PCF11: variants seen among roughly 807,000 people sequenced by gnomAD.
PCF11 encodes PCF11 cleavage and polyadenylation factor subunit, also known as pre-mRNA cleavage complex 2 protein Pcf11.
A neutral mutation model predicts 166.1 loss-of-function variants in PCF11; 19 were observed. The ratio of observed to expected loss-of-function variants is 0.11; its 90% CI spans 0.08 to 0.17. PCF11 has a LOEUF of 0.17. Ranked by LOEUF, PCF11 falls within the 10% of genes least tolerant of loss-of-function variation. PCF11 has a pLI of 1.00. For missense variants in PCF11, 1,565 were observed against 1,855.5 expected (o/e 0.84, Z 2.88); for synonymous variants, 663 against 644.1 (o/e 1.03, Z -0.44).
At chr11:83,178,686 G>T (rs1413116002) in intron 11 of PCF11, among the ~76,000 whole-genome samples, 2 of 151,692 alleles carry the variant, frequency 1.3e-5, no homozygotes, top group African/African-American at 4.8e-5. Context: ...AGTGGCGGGT[G>T]CCTGTAGTCC....
rs544693227 is a variant in PCF11 at position 83,177,232 on chromosome 11, C to T, written c.3877+28C>T. The T allele has an allele frequency of 4.7e-6, 7 of 1,491,676 alleles. No individual in the cohort carries two copies. In the East Asian group the frequency reaches 1.8e-4, roughly 38 times the overall value. 92.4% of individuals were successfully genotyped at this position (1,491,676 alleles called of 1,614,324 possible). On this transcript the variant is annotated intron_variant, in intron 10 of 15. Transcript: ENST00000298281. ...AAGTGTGATTTTATACTTAAATTTA[C>T]ACAAAGCTTCATTAAGTTTTTGAGA...
At chr11:83,185,136 G>C (rs186316304) in exon 16 of PCF11, 1 of 363,264 alleles carries the variant, frequency 2.8e-6, no homozygotes. Flanking sequence ...AAATGAAATT[G>C]TATGTGTAAA....
At chr11:83,185,573 TAAC>T (rs2135453583) in exon 16 of PCF11, 1 of 152,534 alleles carries the variant, frequency 6.6e-6, no homozygotes, top group East Asian at 1.9e-4. Context: ...ATCAAACAAT[TAAC>T]AAATATATTT....
At chr11:83,161,569 A>AT (rs1554984717) in intron 2 of PCF11, 117 bp downstream of exon 2, 2 of 711,792 alleles carry the variant, frequency 2.8e-6, no homozygotes, top group Non-Finnish European at 4.4e-6. Context: ...ACTTTTGGAC[A>AT]TTTATCGTTA....
chr11:83,164,428 A>G (rs1860372895), intron 4 of PCF11, 27 bp downstream of exon 4: 1 of 1,557,818 alleles, frequency 6.4e-7, no homozygotes. Context: ...GTCATTTTAA[A>G]TATTTTAAAC....
intron 10 of PCF11, 119 bp from the exon 11 acceptor site, chr11:83,177,595 C>G: frequency 2.2e-6 from 1 of 458,346 alleles, no homozygotes. Flanking sequence ...AACTTGAGAT[C>G]AGAAGCACTG....
At position 83,173,672 on chromosome 11, in the gene PCF11, G is replaced by GAGAT. The variant is rs908922565; in HGVS notation, c.3757+1759_3757+1762dup. ...TTTGTTATATTGGGGTTAGTGGCATGAGATGCTCTACAGAAACTACAAATT... is the reference window on the plus strand; with the variant it reads ...TTTGTTATATTGGGGTTAGTGGCATGAGATAGATGCTCTACAGAAACTACAAATT... On this transcript the variant is annotated intron_variant, in intron 9 of 15. Transcript: ENST00000298281. Among the ~76,000 whole-genome samples the GAGAT allele has an allele frequency of 5.4e-5, 8 of 147,642 alleles. 1 individual carries two copies. Among genetic ancestry groups the GAGAT allele is most frequent in the Middle Eastern group, 3.5e-3 (1 of 282 alleles).
At chr11:83,170,052 GT>G in intron 8 of PCF11, 57 bp downstream of exon 8, 1 of 1,393,796 alleles carries the variant, frequency 7.2e-7, no homozygotes, top group Non-Finnish European at 9.5e-7. Context: ...ATTTTTTAAT[GT>G]TTCTAGGAGG....
chr11:83,158,586 T>A (rs1404799687), intron 1 of PCF11: 1 of 152,242 alleles, frequency 6.6e-6, no homozygotes, highest in Non-Finnish European at 1.5e-5. Context: ...TAAGTAAAGT[T>A]ACTGTTCAAC....
chr11:83,165,623 G>A (rs1565152615), exon 5 of PCF11: 1 of 1,612,144 alleles, frequency 6.2e-7, no homozygotes. Flanking sequence ...GTGTTCAGCA[G>A]GAAACATCCA....
At chr11:83,184,389 A>G (rs866005078) in intron 15 of PCF11, 21 of 317,962 alleles carry the variant, frequency 6.6e-5, no homozygotes, top group Middle Eastern at 9.3e-4. Flanking sequence ...TTTAACATCT[A>G]TGTAGAGATT....
chr11:83,162,490 A>G (rs1860296336), intron 2 of PCF11, among the ~76,000 whole-genome samples: 1 of 152,244 alleles, frequency 6.6e-6, no homozygotes, highest in Admixed American at 6.5e-5. Context: ...TATTGTAGAC[A>G]TTTGCTGAAT....
In PCF11 at chr11:83,167,076, ATTT is replaced by A. The variant is rs149108488; in HGVS notation, c.1818-45_1818-43del. Reference sequence around the variant, plus strand: ...AGAATCTTTAAATATGGTCCTGAGTATTTTTTAAAAAAACATTTCAATGTAACA... The same window carrying A: ...AGAATCTTTAAATATGGTCCTGAGTATTTAAAAAAACATTTCAATGTAACA... On this transcript the variant is annotated intron_variant, in intron 5 of 15. Coordinates refer to ENST00000298281, the Ensembl canonical transcript of PCF11. This position sits in a 1 kb window ranked among gnomAD's most constrained non-coding sequence, Gnocchi z 4.2. 3,260 of 1,435,522 alleles carry A rather than the reference ATTT, an allele frequency of 2.3e-3. 45 individuals carry two copies. In the African/African-American group the frequency reaches 0.039, roughly 17 times the overall value. The allele number at this position is 1,435,522 out of a possible 1,614,324, so 88.9% of individuals were successfully genotyped here.
chr11:83,162,391 T>C (rs1333668212), intron 2 of PCF11, among the ~76,000 whole-genome samples: 1 of 152,256 alleles, frequency 6.6e-6, no homozygotes, highest in African/African-American at 2.4e-5. Context: ...ATTTGAGAAA[T>C]GTTTTTAAGT....
Position 83,177,066 on chromosome 11 carries a change from T to C in PCF11, c.3758-19T>C. Reference sequence around the variant, plus strand: ...CACTTCAAAAGTGGTTTTTTTTCTTTCTTTCTTTTTTTTGTTAGGAGCCCT... The same window carrying C: ...CACTTCAAAAGTGGTTTTTTTTCTTCCTTTCTTTTTTTTGTTAGGAGCCCT... On this transcript the variant is annotated intron_variant, in intron 9 of 15. Transcript: ENST00000298281. 6.9e-7 allele frequency: 1 copy of C among 1,446,322 alleles called. No individual in the cohort carries two copies. The highest frequency in any genetic ancestry group is 9.1e-7 in the Non-Finnish European group (1 of 1,097,460). The allele number at this position is 1,446,322 out of a possible 1,614,324, so 89.6% of individuals were successfully genotyped here. A position where few individuals can be genotyped will look rare whatever the true frequency, so the allele number is the denominator to read the frequency against.
At position 83,160,321 on chromosome 11, in the gene PCF11, GTTTTTTTTTTTT is replaced by G. The variant is rs35201107; in HGVS notation, c.193-995_193-984del. ...GGGTGGGTAAATGGGGATAACCTAA[GTTTTTTTTTTTT>G]TTTTTTTTTTGTCTTTTTTTTTTAT... is the stretch of plus-strand genomic sequence containing the variant. On this transcript the variant is annotated intron_variant, in intron 1 of 15. Coordinates refer to ENST00000298281, the Ensembl canonical transcript of PCF11. Among the ~76,000 whole-genome samples the G allele has an allele frequency of 5.5e-5, 5 of 91,288 alleles. No homozygotes were observed. In the East Asian group the frequency reaches 1.4e-3, roughly 26 times the overall value. The allele number at this position is 91,288 out of a possible 152,430, so 59.9% of individuals were successfully genotyped here. A position where few individuals can be genotyped will look rare whatever the true frequency, so the allele number is the denominator to read the frequency against.
chr11:83,159,130 C>A (rs1284501659), intron 1 of PCF11, among the ~76,000 whole-genome samples: 1 of 151,990 alleles, frequency 6.6e-6, no homozygotes, highest in African/African-American at 2.4e-5. Flanking sequence ...ACAAGTTTAT[C>A]ATGCTCAGTC....
chr11:83,157,142 C>A, exon 1 of PCF11: 1 of 553,296 alleles, frequency 1.8e-6, no homozygotes, highest in South Asian at 2.5e-5. Context: ...CACGACGCAG[C>A]GGTTGGGAAC....
chr11:83,158,364 C>A (rs1206249513), intron 1 of PCF11: 1 of 152,180 alleles, frequency 6.6e-6, no homozygotes, highest in Non-Finnish European at 1.5e-5. Context: ...TCTTATCCAA[C>A]CTGTAGGTGG....
Sources: gnomAD v4.1 joint callset for allele counts (sites outside exome capture counted in the v4.1 genomes callset) on GRCh38, gnomAD v4.1.1 for gene constraint, Gnocchi (gnomAD v3.1) non-coding constraint, MANE v1.5 for transcripts, NCBI Gene and HGNC (gene_info 2026-07-23, HGNC 2026-07-21) for gene names.